Variants in ARB2A observed in about 807,000 individuals in gnomAD.
The protein encoded by ARB2A is cotranscriptional regulator ARB2A.
At chr5:93,675,579 C>T in the ARB2A span, among the ~76,000 whole-genome samples, 1 of 152,282 alleles carries the variant, frequency 6.6e-6, no homozygotes, top group South Asian at 2.1e-4. Flanking sequence ...TTCCTGAGTG[C>T]TTAGAGGTTG....
chr5:93,814,879 C>T, the ARB2A span, among the ~76,000 whole-genome samples: 4 of 152,234 alleles, frequency 2.6e-5, no homozygotes, highest in South Asian at 2.1e-4. Flanking sequence ...GCTGTGTTGC[C>T]CAGGCTGGAG....
chr5:93,776,605 C>T, the ARB2A span, among the ~76,000 whole-genome samples: 1 of 152,064 alleles, frequency 6.6e-6, no homozygotes, highest in Admixed American at 6.6e-5. Flanking sequence ...TGGTGAAACT[C>T]CTTCTCTACT....
the ARB2A span, among the ~76,000 whole-genome samples, chr5:93,815,977 T>C: frequency 2.0e-5 from 3 of 152,292 alleles, no homozygotes; most frequent in South Asian, 6.2e-4. Context: ...AGTAATAAGA[T>C]CTTTACTCAA....
chr5:93,617,904 G>T, the ARB2A span, among the ~76,000 whole-genome samples: 1 of 152,224 alleles, frequency 6.6e-6, no homozygotes, highest in South Asian at 2.1e-4. Flanking sequence ...ACTAAAGTTA[G>T]GATATTACCT....
the ARB2A span, among the ~76,000 whole-genome samples, chr5:93,875,367 G>T: frequency 1.3e-5 from 2 of 152,186 alleles, no homozygotes; most frequent in South Asian, 2.1e-4. Context: ...AAGTAGCTGG[G>T]ATTACAGGTG....
At chr5:93,659,190 G>A in the ARB2A span, among the ~76,000 whole-genome samples, 1 of 151,842 alleles carries the variant, frequency 6.6e-6, no homozygotes, top group Admixed American at 6.6e-5. Flanking sequence ...AAACAACTGA[G>A]TAAAATTTCA....
At chr5:93,791,774 C>G in the ARB2A span, among the ~76,000 whole-genome samples, 1 of 152,134 alleles carries the variant, frequency 6.6e-6, no homozygotes, top group Non-Finnish European at 1.5e-5. Flanking sequence ...AGACAAGTCT[C>G]CAGCCACCAG....
chr5:93,857,222 G>A, the ARB2A span, among the ~76,000 whole-genome samples: 2 of 152,130 alleles, frequency 1.3e-5, no homozygotes, highest in Non-Finnish European at 2.9e-5. Flanking sequence ...TAGGCTGCTC[G>A]GGGGTCAGGA....
the ARB2A span, among the ~76,000 whole-genome samples, chr5:93,724,813 T>G: frequency 6.6e-6 from 1 of 152,008 alleles, no homozygotes; most frequent in African/African-American, 2.4e-5. Flanking sequence ...CAACAGTAAG[T>G]AATAATAAGA....
the ARB2A span, among the ~76,000 whole-genome samples, chr5:93,811,514 G>C: frequency 6.6e-6 from 1 of 151,992 alleles, no homozygotes; most frequent in Non-Finnish European, 1.5e-5. Context: ...ATTGAACCCT[G>C]AAATACGTGA....
the ARB2A span, chr5:93,743,423 A>T: frequency 2.7e-6 from 1 of 367,972 alleles, no homozygotes; most frequent in African/African-American, 2.2e-5. Flanking sequence ...AAAGACTTCC[A>T]TATTTGCCTT....
the ARB2A span, among the ~76,000 whole-genome samples, chr5:93,765,493 G>A: frequency 1.1e-4 from 17 of 152,270 alleles, no homozygotes; most frequent in African/African-American, 3.9e-4. Flanking sequence ...TGCAAGGGAC[G>A]TGAAGGACCT....
the ARB2A span, among the ~76,000 whole-genome samples, chr5:94,081,525 G>A: frequency 5.3e-5 from 8 of 152,068 alleles, no homozygotes; most frequent in East Asian, 1.9e-4. Flanking sequence ...ATGAAGTACC[G>A]ATACTTGCTA....
chr5:93,732,998 CAATT>C, the ARB2A span, among the ~76,000 whole-genome samples: 1 of 152,058 alleles, frequency 6.6e-6, no homozygotes, highest in Non-Finnish European at 1.5e-5. Context: ...CTTCATTCAA[CAATT>C]AACTCTGAAC....
chr5:93,664,742 T>G, the ARB2A span, among the ~76,000 whole-genome samples: 1 of 151,720 alleles, frequency 6.6e-6, no homozygotes, highest in Non-Finnish European at 1.5e-5. Context: ...TATAATATAT[T>G]AGCTCTACAC....
chr5:93,961,964 T>C, the ARB2A span, among the ~76,000 whole-genome samples: 2 of 152,188 alleles, frequency 1.3e-5, no homozygotes, highest in Admixed American at 1.3e-4. Context: ...ACTGTGCACA[T>C]GGTAACTACA....
the ARB2A span, among the ~76,000 whole-genome samples, chr5:94,107,526 T>C: frequency 1.4e-5 from 2 of 139,090 alleles, no homozygotes; most frequent in South Asian, 2.2e-4. Context: ...AAACATTCAA[T>C]AGTTAAAAAA....
At chr5:93,756,035 G>A in the ARB2A span, among the ~76,000 whole-genome samples, 3 of 152,152 alleles carry the variant, frequency 2.0e-5, no homozygotes, top group Non-Finnish European at 2.9e-5. Context: ...CTGTTGTGGG[G>A]GGCATGGTGG....
chr5:93,932,278 T>C, the ARB2A span, among the ~76,000 whole-genome samples: 1 of 152,190 alleles, frequency 6.6e-6, no homozygotes. Flanking sequence ...AACATTTTTT[T>C]CCCTTTAAAC....
Sources: gnomAD v4.1 joint callset for allele counts (sites outside exome capture counted in the v4.1 genomes callset) on GRCh38, gnomAD v4.1.1 for gene constraint, MANE v1.5 for transcripts, NCBI Gene and HGNC (gene_info 2026-07-23, HGNC 2026-07-21) for gene names.